Variants in TAF2 observed in about 807,000 individuals in gnomAD.
TAF2 encodes TATA-box binding protein associated factor 2, also known as transcription initiation factor TFIID subunit 2.
A neutral mutation model predicts 138.5 loss-of-function variants in TAF2; 61 were observed. That is an observed-to-expected ratio of 0.44 (90% CI 0.36 to 0.54). The LOEUF (loss-of-function observed/expected upper bound fraction) is 0.54. Among genes scored for constraint, TAF2 ranks in the 20% least tolerant of loss-of-function variants. The pLI, the probability that TAF2 is intolerant of heterozygous loss-of-function variation, is 0.00. For missense variants in TAF2, 1,090 were observed against 1,427.9 expected, an observed-to-expected ratio of 0.76 and a Z score of 3.81; for synonymous variants, 475 against 469.9, an observed-to-expected ratio of 1.01 and a Z score of -0.14.
rs768779191 is a variant in TAF2 at position 119,832,614 on chromosome 8, G to A, written c.-50C>T. On this transcript the variant is annotated 5_prime_UTR_variant, in exon 1 of 26. Coordinates refer to ENST00000378164, the MANE Select transcript of TAF2 (RefSeq NM_003184.4). ...TCCCGGCTTCCTAGGGGGATACGGG[G>A]CATTACTAGTCTTTGGCACCTCACA... 1.9e-6 allele frequency: 3 copies of A among 1,552,990 alleles called. No homozygotes were observed. Among genetic ancestry groups the A allele is most frequent in the Admixed American group, 1.7e-5 (1 of 59,546 alleles).
intron 2 of TAF2, among the ~76,000 whole-genome samples, chr8:119,826,290 CA>C (rs920683108): frequency 6.7e-6 from 1 of 149,940 alleles, no homozygotes; most frequent in Admixed American, 6.6e-5. Flanking sequence ...AACAAACAAA[CA>C]AAAAAAACAG....
intron 3 of TAF2, among the ~76,000 whole-genome samples, 170 bp from the exon 4 acceptor site, chr8:119,806,571 C>G (rs962706922): frequency 9.9e-5 from 15 of 150,780 alleles, no homozygotes; most frequent in Middle Eastern, 6.8e-3. Context: ...CAGGTTCAAG[C>G]ATTCTCATCC....
chr8:119,822,831 CCAGAAAAGAATT>C (rs1825875372), intron 2 of TAF2, among the ~76,000 whole-genome samples: 1 of 152,310 alleles, frequency 6.6e-6, no homozygotes, highest in Admixed American at 6.5e-5. Flanking sequence ...CAGTTTCTCA[CCAGAAAAGAATT>C]CAGAAAAGAA....
chr8:119,830,737 T>C (rs916460135), intron 2 of TAF2, among the ~76,000 whole-genome samples: 2 of 152,164 alleles, frequency 1.3e-5, no homozygotes, highest in Non-Finnish European at 1.5e-5. Context: ...ATACCATCAC[T>C]CAAGGAAAAC....
At chr8:119,830,024 G>A (rs1051370315) in intron 2 of TAF2, among the ~76,000 whole-genome samples, 10 of 151,274 alleles carry the variant, frequency 6.6e-5, no homozygotes, top group Admixed American at 1.3e-4. Flanking sequence ...TCAGCCTCCC[G>A]AGTAGCTGGG....
At chr8:119,803,264 G>A (rs536334916) in intron 5 of TAF2, among the ~76,000 whole-genome samples, 2 of 152,118 alleles carry the variant, frequency 1.3e-5, no homozygotes, top group Non-Finnish European at 2.9e-5. Context: ...AAAATTCATC[G>A]AGCTTTACAT....
chr8:119,814,348 A>G (rs1160209493), intron 3 of TAF2, among the ~76,000 whole-genome samples: 1 of 152,124 alleles, frequency 6.6e-6, no homozygotes, highest in Non-Finnish European at 1.5e-5. Context: ...ACCATAATCA[A>G]TAAGGGAATT....
At chr8:119,732,303 A>G (rs1346847170) in intron 25 of TAF2, 117 bp from the exon 26 acceptor site, 2 of 902,292 alleles carry the variant, frequency 2.2e-6, no homozygotes, top group East Asian at 2.4e-5. Flanking sequence ...TATCACTTCT[A>G]TCAGGAATGG....
chr8:119,814,177 T>C (rs568302569), intron 3 of TAF2, among the ~76,000 whole-genome samples: 1 of 151,934 alleles, frequency 6.6e-6, no homozygotes, highest in African/African-American at 2.4e-5. Context: ...CCTGCCGAAC[T>C]GGAAGTATTC....
At chr8:119,795,977 C>T (rs146979861) in intron 8 of TAF2, among the ~76,000 whole-genome samples, 2 of 152,194 alleles carry the variant, frequency 1.3e-5, no homozygotes, top group East Asian at 3.9e-4. Flanking sequence ...ATAGCCAGGA[C>T]TATACTGTTC....
Position 119,783,467 on chromosome 8 carries a change from C to A in TAF2, c.2026G>T (p.Ala676Ser). ...ATATCAGTGAGTGCAAGCCGAGATG[C>A]TGGAGTAGGGAATTTTTCCAAAGCC... ...ILALEKFPTPASRLALTDILE... is the reference protein window; with the variant it reads ...ILALEKFPTPSSRLALTDILE... The change falls in exon 16 of 26, where the codon GCA becomes TCA. Residue 676 changes from alanine (A) to serine (S), a missense_variant. Physicochemically the swap from Ala to Ser is moderately conservative, Grantham distance 99 (BLOSUM62 1). This residue lies in a region of TAF2 where 580 missense variants were observed against 719.6 expected (regional missense o/e 0.81). Transcript: ENST00000378164. 2 of 1,614,114 alleles carry A rather than the reference C, an allele frequency of 1.2e-6. No homozygotes were observed. The highest frequency in any genetic ancestry group is 8.5e-7 in the Non-Finnish European group (1 of 1,180,010).
chr8:119,751,116 T>A (rs889060712), intron 22 of TAF2, among the ~76,000 whole-genome samples: 3 of 152,248 alleles, frequency 2.0e-5, no homozygotes, highest in African/African-American at 7.2e-5. Context: ...ATTTTTTTAA[T>A]GTATTTTAAA....
intron 10 of TAF2, among the ~76,000 whole-genome samples, chr8:119,792,643 A>G (rs1362096459): frequency 1.3e-5 from 2 of 152,170 alleles, no homozygotes; most frequent in African/African-American, 4.8e-5. Context: ...GTTGAAACTT[A>G]AACCCCAACG....
intron 16 of TAF2, among the ~76,000 whole-genome samples, chr8:119,782,347 T>A (rs1470645796): frequency 6.6e-6 from 1 of 152,166 alleles, no homozygotes; most frequent in Non-Finnish European, 1.5e-5. Context: ...AAACAACATA[T>A]TCTACAATTT....
At chr8:119,806,490 G>A in intron 3 of TAF2, 89 bp from the exon 4 acceptor site, 2 of 916,834 alleles carry the variant, frequency 2.2e-6, no homozygotes, top group Non-Finnish European at 1.6e-6. Flanking sequence ...TTTTTTTTTA[G>A]ATGAAGTCTC....
In TAF2 at chr8:119,778,071, A is replaced by C; in HGVS notation, c.2312T>G (p.Val771Gly). Residue 771 changes from valine (V) to glycine (G), a missense_variant, in exon 18 of 26, where the codon GTC (valine) becomes GGC (glycine). Coordinates refer to ENST00000378164, the MANE Select transcript of TAF2 (RefSeq NM_003184.4). ...GATTAAGTCTAAAATAAATGTTAAGACTTCTTTAGGACAAAGATTATGAAC... is the reference window on the plus strand; with the variant it reads ...GATTAAGTCTAAAATAAATGTTAAGCCTTCTTTAGGACAAAGATTATGAAC... ...RDVHNLCPKE[V>G]LTFILDLIKY... The C allele has an allele frequency of 1.3e-6, 2 of 1,596,802 alleles. No homozygotes were observed. Among genetic ancestry groups the C allele is most frequent in the Non-Finnish European group, 1.7e-6 (2 of 1,166,364 alleles).
intron 22 of TAF2, among the ~76,000 whole-genome samples, chr8:119,749,090 T>C (rs569006531): frequency 1.3e-5 from 2 of 152,308 alleles, no homozygotes; most frequent in Admixed American, 6.5e-5. Flanking sequence ...GTGAATCCCT[T>C]AACATTTAAA....
At chr8:119,804,843 C>T (rs1397448572) in intron 4 of TAF2, among the ~76,000 whole-genome samples, 1 of 152,120 alleles carries the variant, frequency 6.6e-6, no homozygotes, top group African/African-American at 2.4e-5. Flanking sequence ...GGGAACACCA[C>T]CGGAGAATTT....
At chr8:119,757,721 C>A (rs1195972319) in intron 21 of TAF2, among the ~76,000 whole-genome samples, 1 of 151,828 alleles carries the variant, frequency 6.6e-6, no homozygotes, top group South Asian at 2.1e-4. Context: ...CATGGCAAAA[C>A]TCCGTCTCTA....
Sources: gnomAD v4.1 joint callset for allele counts (sites outside exome capture counted in the v4.1 genomes callset) on GRCh38, gnomAD v4.1.1 for gene constraint, gnomAD v4.1.1 regional missense constraint, MANE v1.5 for transcripts, NCBI Gene and HGNC (gene_info 2026-07-23, HGNC 2026-07-21) for gene names.